Variants in UBE2H observed in about 807,000 individuals in gnomAD.
The protein encoded by UBE2H is ubiquitin conjugating enzyme E2 H.
A neutral mutation model predicts 29.0 loss-of-function variants in UBE2H; 3 were observed. The ratio of observed to expected loss-of-function variants is 0.10; its 90% confidence interval spans 0.05 to 0.27. The LOEUF (loss-of-function observed/expected upper bound fraction) is 0.27, where lower values mean the gene tolerates loss of function less well. UBE2H is among the 10% of genes least tolerant of loss of function. The pLI, the probability that UBE2H is intolerant of heterozygous loss-of-function variation, is 1.00. For synonymous variants in UBE2H, 69 were observed against 82.9 expected (o/e 0.83, Z 0.91); for missense variants, 68 against 228.2 (o/e 0.30, Z 4.52).
chr7:129,949,612 T>G (rs1180523289), intron 1 of UBE2H, among the ~76,000 whole-genome samples: 1 of 152,158 alleles, frequency 6.6e-6, no homozygotes, highest in African/African-American at 2.4e-5. Flanking sequence ...CTGCATAACT[T>G]GGGAGTCAGC....
chr7:129,952,102 T>A (rs930261886), intron 1 of UBE2H, among the ~76,000 whole-genome samples: 1 of 151,914 alleles, frequency 6.6e-6, no homozygotes, highest in Non-Finnish European at 1.5e-5. Flanking sequence ...AAGGCTTCCC[T>A]CTCGGGAATT....
chr7:129,913,529 G>A (rs1165376598), intron 1 of UBE2H, among the ~76,000 whole-genome samples: 1 of 152,046 alleles, frequency 6.6e-6, no homozygotes, highest in Non-Finnish European at 1.5e-5. Flanking sequence ...CTGAACACCC[G>A]CCATGTCTAG....
intron 1 of UBE2H, among the ~76,000 whole-genome samples, chr7:129,902,412 A>C (rs1218876460): frequency 6.6e-6 from 1 of 152,192 alleles, no homozygotes; most frequent in African/African-American, 2.4e-5. Flanking sequence ...GAGGCAGGAG[A>C]ATCGCTTGGA....
At chr7:129,916,168 G>A (rs1255913829) in intron 1 of UBE2H, among the ~76,000 whole-genome samples, 1 of 151,946 alleles carries the variant, frequency 6.6e-6, no homozygotes, top group Non-Finnish European at 1.5e-5. Context: ...ATTCATTCCA[G>A]GACTTTAACA....
In UBE2H at chr7:129,830,768, TAC is replaced by T. The variant is rs1022949680; in HGVS notation, c.*4167_*4168del. On this transcript the variant is annotated 3_prime_UTR_variant, in exon 7 of 7. Coordinates refer to ENST00000355621, the MANE Select transcript of UBE2H (RefSeq NM_003344.4). ...ATATACACGTTTATTTAAAAAAGTT[TAC>T]AGTTTTCATTATACACAACTATTAA... is the stretch of plus-strand genomic sequence containing the variant. 6.6e-6 allele frequency: 1 copy of T among 150,694 alleles called. No individual in the cohort carries two copies. Among genetic ancestry groups the T allele is most frequent in the Non-Finnish European group, 1.5e-5 (1 of 67,874 alleles). 9.3% of individuals were successfully genotyped at this position (150,694 alleles called of 1,614,324 possible). A position where few individuals can be genotyped will look rare whatever the true frequency, so the allele number is the denominator to read the frequency against.
At chr7:129,941,414 C>T (rs1807639829) in intron 1 of UBE2H, among the ~76,000 whole-genome samples, 1 of 152,162 alleles carries the variant, frequency 6.6e-6, no homozygotes, top group Admixed American at 6.6e-5. Context: ...GGATTACAGG[C>T]ATGAGCCACT....
At chr7:129,952,439 G>T (rs1807897843) in intron 1 of UBE2H, 64 bp downstream of exon 1, 4 of 1,588,408 alleles carry the variant, frequency 2.5e-6, no homozygotes, top group Non-Finnish European at 8.6e-7. Flanking sequence ...TGGTTCCGGG[G>T]GTGCCCTGGG....
intron 5 of UBE2H, among the ~76,000 whole-genome samples, chr7:129,845,314 T>A (rs77321232): frequency 0.062 from 9,514 of 152,254 alleles, 367 homozygotes; most frequent in Non-Finnish European, 0.092. Context: ...GGGATCTGTA[T>A]GTGTGTGATA....
intron 1 of UBE2H, among the ~76,000 whole-genome samples, chr7:129,883,133 G>A (rs1015041104): frequency 4.6e-5 from 7 of 152,164 alleles, no homozygotes; most frequent in African/African-American, 1.4e-4. Context: ...TGAAAACAAC[G>A]AAAGAGCTGG....
intron 1 of UBE2H, among the ~76,000 whole-genome samples, chr7:129,934,986 T>C (rs1158414354): frequency 6.6e-6 from 1 of 151,232 alleles, no homozygotes; most frequent in Non-Finnish European, 1.5e-5. Context: ...TGTGTGTGTA[T>C]ATATATGTGT....
At chr7:129,925,705 G>A (rs1807253546) in intron 1 of UBE2H, among the ~76,000 whole-genome samples, 1 of 152,150 alleles carries the variant, frequency 6.6e-6, no homozygotes, top group African/African-American at 2.4e-5. Context: ...ATTGGAGGAG[G>A]GGAATAGTCT....
At chr7:129,880,696 G>A (rs1806235691) in intron 2 of UBE2H, among the ~76,000 whole-genome samples, 199 bp downstream of exon 2, 1 of 100,928 alleles carries the variant, frequency 9.9e-6, no homozygotes, top group Admixed American at 1.1e-4. Context: ...AGGTGGTCCT[G>A]GAACCAATCC....
chr7:129,836,941 C>T (rs137873872), intron 6 of UBE2H, among the ~76,000 whole-genome samples: 124 of 141,596 alleles, frequency 8.8e-4, no homozygotes, highest in African/African-American at 3.1e-3. Flanking sequence ...AGATTCCACT[C>T]AGTATCAGAG....
intron 1 of UBE2H, among the ~76,000 whole-genome samples, chr7:129,896,200 G>C (rs1428542900): frequency 6.6e-6 from 1 of 151,680 alleles, no homozygotes; most frequent in Non-Finnish European, 1.5e-5. Context: ...AGCTGGACGT[G>C]GTGGCGGGCA....
chr7:129,908,622 G>T (rs1283910859), intron 1 of UBE2H, among the ~76,000 whole-genome samples: 3 of 152,134 alleles, frequency 2.0e-5, no homozygotes, highest in African/African-American at 7.2e-5. Flanking sequence ...AGAATAAAAA[G>T]TTTCTTCTTT....
At chr7:129,876,896 T>C (rs1468296739) in intron 3 of UBE2H, among the ~76,000 whole-genome samples, 1 of 152,220 alleles carries the variant, frequency 6.6e-6, no homozygotes, top group Non-Finnish European at 1.5e-5. Context: ...ATCATGTAAC[T>C]ACTGACAGCC....
At position 129,865,331 on chromosome 7, in the gene UBE2H, C is replaced by T. The variant is rs185581288; in HGVS notation, c.206-6390G>A. Among the ~76,000 whole-genome samples, 732 of 152,282 alleles carry T rather than the reference C, an allele frequency of 4.8e-3. 25 individuals are homozygous for T. Among genetic ancestry groups the T allele is most frequent in the Admixed American group, 0.042 (647 of 15,288 alleles). On this transcript the variant is annotated intron_variant, in intron 3 of 6. Coordinates refer to ENST00000355621, the MANE Select transcript of UBE2H (RefSeq NM_003344.4). The stretch of plus-strand genomic sequence containing the variant: ...GAAGGGGTCTATACAGAGTTGCACA[C>T]ACTTCTGAGTAACTTCTGACATTGG...
chr7:129,952,386 G>A (rs1807896026), intron 1 of UBE2H, 117 bp downstream of exon 1: 3 of 1,279,462 alleles, frequency 2.3e-6, no homozygotes, highest in African/African-American at 1.5e-5. Context: ...GGGGAGGAGG[G>A]GAGTCTCGGA....
At chr7:129,907,710 G>A (rs1027641452) in intron 1 of UBE2H, among the ~76,000 whole-genome samples, 6 of 151,750 alleles carry the variant, frequency 4.0e-5, no homozygotes, top group African/African-American at 1.5e-4. Context: ...TCATTGTGAC[G>A]AGGTATACAT....
Sources: allele counts gnomAD v4.1 joint callset (sites outside exome capture counted in the v4.1 genomes callset), GRCh38; gene constraint gnomAD v4.1.1; transcripts MANE v1.5; gene names NCBI Gene and HGNC (gene_info 2026-07-23, HGNC 2026-07-21).